DACH1: variants seen among roughly 807,000 people sequenced by gnomAD.
DACH1 encodes the protein dachshund homolog 1.
A neutral mutation model predicts 54.2 loss-of-function variants in DACH1; 12 were observed. That is an observed-to-expected ratio of 0.22 (90% CI 0.14 to 0.36). The LOEUF is 0.36. Ranked by LOEUF, DACH1 falls within the 10% of genes least tolerant of loss-of-function variation. The pLI, the probability that DACH1 is intolerant of heterozygous loss-of-function variation, is 1.00. For missense variants in DACH1, 805 were observed against 929.8 expected (o/e 0.87, Z 1.75); for synonymous variants, 386 against 366.2 (o/e 1.05, Z -0.62).
rs546161137 is a variant in DACH1 at position 71,551,875 on chromosome 13, C to G, written c.1570+5149G>C. Among the ~76,000 whole-genome samples, 3 of 151,962 alleles carry G rather than the reference C, an allele frequency of 2.0e-5. No homozygotes were observed. The East Asian group carries it at 5.8e-4, about 29-fold the overall frequency. On this transcript the variant is annotated intron_variant, in intron 6 of 10. Transcript: ENST00000613252. The stretch of plus-strand genomic sequence containing the variant: ...TGCTGTGTCCTTCACTTTAGATTAC[C>G]AGTATGAAAAGTTTTTATACAAAGA...
chr13:71,676,433 G>T (rs1357574957), intron 2 of DACH1, among the ~76,000 whole-genome samples: 1 of 152,134 alleles, frequency 6.6e-6, no homozygotes, highest in Non-Finnish European at 1.5e-5. Context: ...GGCCAGGCTG[G>T]TCTCGAACTC....
chr13:71,545,338 A>G (rs1883391388), intron 6 of DACH1, among the ~76,000 whole-genome samples: 1 of 152,110 alleles, frequency 6.6e-6, no homozygotes, highest in African/African-American at 2.4e-5. Flanking sequence ...ATAATAGATT[A>G]CTTGTGTTAT....
At chr13:71,773,101 G>A (rs563923939) in intron 1 of DACH1, among the ~76,000 whole-genome samples, 9 of 151,838 alleles carry the variant, frequency 5.9e-5, no homozygotes, top group African/African-American at 2.2e-4. Context: ...CACCTCTGCT[G>A]ATTGATAGAT....
intron 3 of DACH1, among the ~76,000 whole-genome samples, chr13:71,605,612 T>C (rs1253772551): frequency 6.6e-6 from 1 of 151,986 alleles, no homozygotes; most frequent in Non-Finnish European, 1.5e-5. Context: ...TAAGCTTTTA[T>C]CAAAGAATGT....
At chr13:71,844,748 A>T (rs1412774999) in intron 1 of DACH1, among the ~76,000 whole-genome samples, 1 of 152,122 alleles carries the variant, frequency 6.6e-6, no homozygotes, top group Non-Finnish European at 1.5e-5. Flanking sequence ...CCCACACTTG[A>T]TTAAAGAAAA....
intron 4 of DACH1, among the ~76,000 whole-genome samples, chr13:71,570,109 G>A (rs1885107608): frequency 6.6e-6 from 1 of 152,038 alleles, no homozygotes; most frequent in African/African-American, 2.4e-5. Context: ...AACTCTTCTT[G>A]TTCTATACAG....
At chr13:71,835,506 TC>T in intron 1 of DACH1, among the ~76,000 whole-genome samples, 1 of 152,126 alleles carries the variant, frequency 6.6e-6, no homozygotes, top group East Asian at 1.9e-4. Context: ...CCTAAAATTA[TC>T]CCAGAGGTAA....
intron 1 of DACH1, among the ~76,000 whole-genome samples, chr13:71,701,735 A>T (rs1442406334): frequency 6.6e-6 from 1 of 152,172 alleles, no homozygotes; most frequent in African/African-American, 2.4e-5. Flanking sequence ...GTGAGATGAT[A>T]AAATATGGGT....
At chr13:71,618,980 T>C (rs1484106910) in intron 3 of DACH1, among the ~76,000 whole-genome samples, 1 of 149,718 alleles carries the variant, frequency 6.7e-6, no homozygotes, top group Non-Finnish European at 1.5e-5. Flanking sequence ...CTTATATGCA[T>C]TTTTTTTTGC....
intron 2 of DACH1, among the ~76,000 whole-genome samples, chr13:71,656,506 CTGTT>C (rs1181054882): frequency 6.6e-6 from 1 of 152,010 alleles, no homozygotes; most frequent in Non-Finnish European, 1.5e-5. Flanking sequence ...TAAATTTTCT[CTGTT>C]TGATTTATCT....
At chr13:71,663,845 A>C (rs1879662824) in intron 2 of DACH1, among the ~76,000 whole-genome samples, 1 of 152,044 alleles carries the variant, frequency 6.6e-6, no homozygotes. Flanking sequence ...GTCTCAAATA[A>C]TATGGCCATG....
intron 1 of DACH1, among the ~76,000 whole-genome samples, chr13:71,701,316 A>G (rs1010624408): frequency 3.3e-5 from 5 of 152,188 alleles, no homozygotes; most frequent in African/African-American, 1.2e-4. Context: ...CTGAGATTTC[A>G]TAATGCAATA....
At chr13:71,466,225 C>G (rs2138150612) in intron 10 of DACH1, among the ~76,000 whole-genome samples, 1 of 152,262 alleles carries the variant, frequency 6.6e-6, no homozygotes, top group South Asian at 2.1e-4. Flanking sequence ...TTAGGGTCCC[C>G]TGCTAATATC....
chr13:71,504,227 G>T (rs1451638518), intron 6 of DACH1, among the ~76,000 whole-genome samples: 1 of 151,906 alleles, frequency 6.6e-6, no homozygotes, highest in Non-Finnish European at 1.5e-5. Flanking sequence ...CAATTAACAC[G>T]AGAAATCTTG....
rs68024614 is a variant in DACH1 at position 71,485,575 on chromosome 13, C to CTTTTTTTTTTTTTTTT, written c.1722+3406_1722+3421dup. Among the ~76,000 whole-genome samples the CTTTTTTTTTTTTTTTT allele has an allele frequency of 6.5e-5, 3 of 46,174 alleles. No homozygotes were observed. The East Asian group carries it at 2.5e-3, about 38-fold the overall frequency. 30.3% of individuals were successfully genotyped at this position (46,174 alleles called of 152,430 possible). ...CATTCATTATAACTTTTCTTTTCTT[C>CTTTTTTTTTTTTTTTT]TTTTTTTTTTTTTTTTTTTTTTTTT... On this transcript the variant is annotated intron_variant, in intron 7 of 10. Transcript: ENST00000613252.
chr13:71,504,580 T>C (rs553731761), intron 6 of DACH1, among the ~76,000 whole-genome samples: 119 of 152,236 alleles, frequency 7.8e-4, no homozygotes, highest in African/African-American at 2.8e-3. Context: ...GAATTTGAGA[T>C]GTAATAAGGC....
intron 3 of DACH1, chr13:71,573,660 T>G: frequency 2.3e-6 from 1 of 437,748 alleles, no homozygotes. Context: ...TTAAAAAATG[T>G]ATCACATTTG....
intron 1 of DACH1, among the ~76,000 whole-genome samples, chr13:71,753,877 A>C (rs940535697): frequency 6.6e-6 from 1 of 152,212 alleles, no homozygotes; most frequent in Non-Finnish European, 1.5e-5. Context: ...CAAATCATAC[A>C]AAAGTAATAT....
At chr13:71,698,681 T>A (rs1287771473) in intron 1 of DACH1, among the ~76,000 whole-genome samples, 1 of 152,156 alleles carries the variant, frequency 6.6e-6, no homozygotes, top group East Asian at 1.9e-4. Context: ...TACAAAAACC[T>A]GTCCATTGTA....
Sources: gnomAD v4.1 joint callset for allele counts (sites outside exome capture counted in the v4.1 genomes callset) on GRCh38, gnomAD v4.1.1 for gene constraint, MANE v1.5 for transcripts, NCBI Gene and HGNC (gene_info 2026-07-23, HGNC 2026-07-21) for gene names.